DRG1: variants seen among roughly 807,000 people sequenced by gnomAD.
DRG1 encodes the protein developmentally regulated GTP binding protein 1.
Under a neutral mutation model 38.8 loss-of-function variants are expected in DRG1, and 19 were observed. The ratio of observed to expected loss-of-function variants is 0.49; its 90% confidence interval spans 0.34 to 0.72. The LOEUF (loss-of-function observed/expected upper bound fraction) is 0.72, where lower values mean the gene tolerates loss of function less well. DRG1 is among the 30% of genes least tolerant of loss of function. The pLI, the probability that DRG1 is intolerant of heterozygous loss-of-function variation, is 0.01. For missense variants in DRG1, 299 were observed against 444.8 expected, an observed-to-expected ratio of 0.67 and a Z score of 2.95; for synonymous variants, 167 against 157.5, an observed-to-expected ratio of 1.06 and a Z score of -0.45.
chr22:31,420,609 C>T (rs2050071623), intron 5 of DRG1, among the ~76,000 whole-genome samples, 184 bp downstream of exon 5: 2 of 152,198 alleles, frequency 1.3e-5, no homozygotes, highest in African/African-American at 4.8e-5. Flanking sequence ...CAGTCTCAGA[C>T]TTACCTTTGC....
chr22:31,432,366 C>T, intron 8 of DRG1, among the ~76,000 whole-genome samples: 1 of 151,452 alleles, frequency 6.6e-6, no homozygotes, highest in East Asian at 1.9e-4. Flanking sequence ...TTTTCCATTT[C>T]CTTCATGTCC....
At chr22:31,430,646 G>A (rs1284931462) in intron 8 of DRG1, among the ~76,000 whole-genome samples, 10 of 151,686 alleles carry the variant, frequency 6.6e-5, no homozygotes, top group South Asian at 2.1e-4. Flanking sequence ...TGATCCGCCC[G>A]CCTCGGCCTC....
chr22:31,404,186 C>T (rs2049977626), intron 3 of DRG1, among the ~76,000 whole-genome samples: 1 of 151,470 alleles, frequency 6.6e-6, no homozygotes, highest in Non-Finnish European at 1.5e-5. Context: ...TGTTTTTCAT[C>T]CTCTTTTGGC....
chr22:31,420,539 G>A, intron 5 of DRG1, 114 bp downstream of exon 5: 1 of 1,262,358 alleles, frequency 7.9e-7, no homozygotes, highest in South Asian at 1.5e-5. Context: ...TGCACTAATT[G>A]AGATAACACA....
chr22:31,400,984 A>C (rs1323960469), intron 2 of DRG1, among the ~76,000 whole-genome samples: 2 of 152,018 alleles, frequency 1.3e-5, no homozygotes, highest in East Asian at 3.9e-4. Context: ...AAAATAACTA[A>C]AGATGTTCTA....
intron 3 of DRG1, among the ~76,000 whole-genome samples, chr22:31,408,103 G>A (rs2145860334): frequency 6.7e-6 from 1 of 148,422 alleles, no homozygotes; most frequent in South Asian, 2.2e-4. Context: ...TCCAGCCTGG[G>A]TGATGGAGCG....
At chr22:31,410,828 A>G (rs1013622967) in intron 3 of DRG1, among the ~76,000 whole-genome samples, 184 bp from the exon 4 acceptor site, 5 of 152,054 alleles carry the variant, frequency 3.3e-5, no homozygotes, top group African/African-American at 1.2e-4. Flanking sequence ...AAAAAAAAAA[A>G]GCCTGTAGCT....
At chr22:31,423,149 A>G in intron 5 of DRG1, 131 bp from the exon 6 acceptor site, 1 of 1,124,704 alleles carries the variant, frequency 8.9e-7, no homozygotes, top group South Asian at 1.5e-5. Flanking sequence ...AGTCAGTGAC[A>G]CTCATCCCGG....
intron 4 of DRG1, among the ~76,000 whole-genome samples, chr22:31,419,469 C>G (rs1376758545): frequency 2.0e-5 from 3 of 151,704 alleles, no homozygotes; most frequent in Non-Finnish European, 4.4e-5. Flanking sequence ...GGATTACAGG[C>G]ATGAGCCACT....
At chr22:31,401,742 C>T (rs573661922) in intron 2 of DRG1, among the ~76,000 whole-genome samples, 6 of 151,882 alleles carry the variant, frequency 4.0e-5, no homozygotes, top group Admixed American at 3.3e-4. Context: ...GGTGATAGAG[C>T]GAGATCTCAT....
Position 31,406,653 on chromosome 22 carries a change from C to T in DRG1, c.342+3449C>T, listed in dbSNP as rs114652375. 4.5e-3 allele frequency among the ~76,000 whole-genome samples: 672 copies of T among 148,930 alleles called. 4 individuals carry two copies. Among genetic ancestry groups the T allele is most frequent in the African/African-American group, 0.016 (637 of 40,314 alleles). On this transcript the variant is annotated intron_variant, in intron 3 of 8. Transcript: ENST00000331457. The stretch of plus-strand genomic sequence containing the variant: ...TCGTGTTACTGCACTCCAGCCTGGG[C>T]GACAGAATGAGACCCTGTCCCGGAA...
intron 3 of DRG1, among the ~76,000 whole-genome samples, chr22:31,410,432 G>A (rs937571313): frequency 6.6e-6 from 1 of 151,944 alleles, no homozygotes; most frequent in Non-Finnish European, 1.5e-5. Context: ...TCCAGCTTGG[G>A]CGGCAGAGTG....
chr22:31,420,276 A>G lies in DRG1; in HGVS notation c.433A>G (p.Ile145Val). Residue 145 changes from isoleucine to valine, a missense_variant, in exon 5 of 9, where the codon ATC becomes GTC. Physicochemically the swap from Ile to Val is conservative, Grantham distance 29. This residue lies in a region of DRG1 where 198 missense variants were observed against 268.1 expected (regional missense o/e 0.74). Coordinates refer to ENST00000331457, the MANE Select transcript of DRG1 (RefSeq NM_004147.4). ...VIAVARTCNLILIVLDVLKPL... is the reference protein window; with the variant it reads ...VIAVARTCNLVLIVLDVLKPL... ...TTCAGTGGCCCGAACCTGTAACTTGATCTTGATTGTTCTGGATGTCCTGAA... is the reference window on the plus strand; with the variant it reads ...TTCAGTGGCCCGAACCTGTAACTTGGTCTTGATTGTTCTGGATGTCCTGAA... 1 of 1,613,896 alleles carries G rather than the reference A, an allele frequency of 6.2e-7. No individual in the cohort carries two copies. Among genetic ancestry groups the G allele is most frequent in the Non-Finnish European group, 8.5e-7 (1 of 1,179,934 alleles).
intron 4 of DRG1, among the ~76,000 whole-genome samples, chr22:31,411,497 G>GA (rs2050017753): frequency 1.3e-5 from 2 of 150,830 alleles, no homozygotes; most frequent in East Asian, 3.9e-4. Context: ...CCCCAGAGAA[G>GA]ATGAATGATA....
rs200429738 is a variant in DRG1 at position 31,420,231 on chromosome 22, C to T, written c.413-25C>T. The T allele has an allele frequency of 9.2e-5, 147 of 1,606,192 alleles. 1 individual carries two copies. Among genetic ancestry groups the T allele is most frequent in the Middle Eastern group, 7.2e-4 (4 of 5,520 alleles). On this transcript the variant is annotated intron_variant, in intron 4 of 8. Coordinates refer to ENST00000331457, the MANE Select transcript of DRG1 (RefSeq NM_004147.4). ...GTTAAGGCTTTATTGAACTTTCTTG[C>T]GTATGTTTTTTTCTTACTCTTCAGT... is the stretch of plus-strand genomic sequence containing the variant.
chr22:31,423,348 C>A lies in DRG1; in HGVS notation c.651C>A (p.Ala217=). ...TGGCTGAATACAAGATTCATAATGC[C>A]GATGTGACTCTACGTAGTGATGCTA... ...SILAEYKIHN[A]DVTLRSDATA... The change falls in exon 6 of 9, where the codon GCC becomes GCA. Residue 217 remains alanine (A), a synonymous_variant. Coordinates refer to ENST00000331457, the MANE Select transcript of DRG1 (RefSeq NM_004147.4). The A allele has an allele frequency of 6.2e-7, 1 of 1,613,904 alleles. No individual in the cohort carries two copies. The highest frequency in any genetic ancestry group is 8.5e-7 in the Non-Finnish European group (1 of 1,179,992).
rs1173622897 is a variant in DRG1, at chr22:31,403,210, T to G, written c.342+6T>G. The stretch of plus-strand genomic sequence containing the variant: ...ACAAAGGTGCCAAGATCCAGGTGAG[T>G]CAAGCCTGCAGACTAAGGAAGGAAA... On this transcript the variant is annotated splice_donor_region_variant and intron_variant, in intron 3 of 8. Transcript: ENST00000331457. 1 of 1,599,236 alleles carries G rather than the reference T, an allele frequency of 6.3e-7. No individual in the cohort carries two copies. Among genetic ancestry groups the G allele is most frequent in the South Asian group, 1.1e-5 (1 of 88,816 alleles).
intron 8 of DRG1, among the ~76,000 whole-genome samples, chr22:31,432,731 T>C (rs983514216): frequency 6.6e-6 from 1 of 151,994 alleles, no homozygotes; most frequent in African/African-American, 2.4e-5. Context: ...GGCCTAATTT[T>C]TGTATTTTTA....
In DRG1 at chr22:31,423,418, C is replaced by T. The variant is rs781625591; in HGVS notation, c.713+8C>T. 11 of 1,613,528 alleles carry T rather than the reference C, an allele frequency of 6.8e-6. No individual in the cohort carries two copies. The highest frequency in any genetic ancestry group is 9.3e-6 in the Non-Finnish European group (11 of 1,179,880). On this transcript the variant is annotated splice_region_variant and intron_variant, in intron 6 of 8. Transcript: ENST00000331457. ...TGTGGTGGAAGGAAACAGGTACTGACTGAGTGTGCAGTCTGTGCCTGACTG... is the reference window on the plus strand; with the variant it reads ...TGTGGTGGAAGGAAACAGGTACTGATTGAGTGTGCAGTCTGTGCCTGACTG...
Sources: gnomAD v4.1 joint callset for allele counts (sites outside exome capture counted in the v4.1 genomes callset) on GRCh38, gnomAD v4.1.1 for gene constraint, gnomAD v4.1.1 regional missense constraint, MANE v1.5 for transcripts, NCBI Gene and HGNC (gene_info 2026-07-23, HGNC 2026-07-21) for gene names.